The following MAGI2 variants were observed in gnomAD, a reference collection of about 807,000 sequenced individuals.
The protein encoded by MAGI2 is membrane-associated guanylate kinase, WW and PDZ domain-containing protein 2.
MAGI2 carries 35 observed loss-of-function variants against 133.3 expected under a neutral mutation model. The ratio of observed to expected loss-of-function variants is 0.26; its 90% confidence interval spans 0.20 to 0.35. The LOEUF (loss-of-function observed/expected upper bound fraction) is 0.35, where lower values mean the gene tolerates loss of function less well. Among genes scored for constraint, MAGI2 ranks in the 10% least tolerant of loss-of-function variants. The probability of loss-of-function intolerance (pLI) is 1.00; values close to 1 mark genes in which losing one functional copy is unlikely to be tolerated. For missense variants in MAGI2, 1,636 were observed against 1,863.4 expected (o/e 0.88, Z 2.25); for synonymous variants, 729 against 710.6 (o/e 1.03, Z -0.41).
chr7:79,297,326 C>T (rs1837016688), intron 1 of MAGI2, among the ~76,000 whole-genome samples: 1 of 152,096 alleles, frequency 6.6e-6, no homozygotes, highest in Non-Finnish European at 1.5e-5. Context: ...ATGGGGATTG[C>T]ATGTTTTAGA....
chr7:78,921,428 G>C (rs1799213598), intron 2 of MAGI2, among the ~76,000 whole-genome samples: 1 of 152,086 alleles, frequency 6.6e-6, no homozygotes, highest in Non-Finnish European at 1.5e-5. Context: ...AGTACGTTGG[G>C]TGGAACCACA....
intron 2 of MAGI2, among the ~76,000 whole-genome samples, chr7:78,767,053 G>A (rs1005113003): frequency 1.3e-5 from 2 of 151,012 alleles, no homozygotes; most frequent in Admixed American, 1.3e-4. Context: ...GCAATGGCAC[G>A]ATCTCAGCTC....
chr7:78,073,387 C>T (rs73706511), intron 21 of MAGI2, among the ~76,000 whole-genome samples: 29,264 of 151,498 alleles, frequency 0.19, 4,133 homozygotes, highest in African/African-American at 0.4. Flanking sequence ...GCTTCATCCT[C>T]TTTAACCCTG....
At chr7:78,157,816 C>A (rs1824546911) in intron 16 of MAGI2, among the ~76,000 whole-genome samples, 1 of 152,148 alleles carries the variant, frequency 6.6e-6, no homozygotes, top group Non-Finnish European at 1.5e-5. Context: ...ATCGTACTGA[C>A]AGAATTCTGC....
At chr7:78,384,992 C>G (rs1018973391) in intron 6 of MAGI2, among the ~76,000 whole-genome samples, 12 of 152,140 alleles carry the variant, frequency 7.9e-5, no homozygotes, top group South Asian at 2.1e-4. Flanking sequence ...TTACATGCTG[C>G]TAAATGGTAA....
chr7:78,878,984 A>G (rs1795637822), intron 2 of MAGI2, among the ~76,000 whole-genome samples: 1 of 152,106 alleles, frequency 6.6e-6, no homozygotes, highest in African/African-American at 2.4e-5. Flanking sequence ...TAGAGACTAT[A>G]GTTCAGTAGG....
intron 2 of MAGI2, among the ~76,000 whole-genome samples, chr7:78,929,228 A>C (rs1799933280): frequency 6.6e-6 from 1 of 152,106 alleles, no homozygotes; most frequent in Admixed American, 6.6e-5. Context: ...AAAGGTGAAC[A>C]TTTTAAAATG....
chr7:78,683,685 C>G (rs909811998), intron 2 of MAGI2, among the ~76,000 whole-genome samples: 1 of 152,180 alleles, frequency 6.6e-6, no homozygotes, highest in Non-Finnish European at 1.5e-5. Flanking sequence ...ATCCCAGGCA[C>G]TGCAGTTATT....
chr7:78,141,720 C>A (rs745613791), intron 16 of MAGI2, among the ~76,000 whole-genome samples: 1 of 152,094 alleles, frequency 6.6e-6, no homozygotes, highest in Non-Finnish European at 1.5e-5. Context: ...CTCCCAGCAC[C>A]CATGAGTCAT....
chr7:79,128,695 G>A (rs557423103), intron 1 of MAGI2, among the ~76,000 whole-genome samples: 2 of 152,158 alleles, frequency 1.3e-5, no homozygotes, highest in African/African-American at 4.8e-5. Flanking sequence ...ACATGGTAAA[G>A]GTAAATTTAT....
chr7:78,550,065 G>A (rs914256462), intron 3 of MAGI2, among the ~76,000 whole-genome samples: 2 of 152,070 alleles, frequency 1.3e-5, no homozygotes, highest in African/African-American at 4.8e-5. Context: ...CATCATGTGT[G>A]GACACATAGA....
At chr7:79,363,695 T>TAA (rs200750002) in intron 1 of MAGI2, among the ~76,000 whole-genome samples, 2 of 139,554 alleles carry the variant, frequency 1.4e-5, no homozygotes, top group African/African-American at 2.6e-5. Flanking sequence ...AACTGAAAAT[T>TAA]AAAAAAAAAA....
chr7:78,958,325 T>A (rs1173945569), intron 2 of MAGI2, among the ~76,000 whole-genome samples: 1 of 152,134 alleles, frequency 6.6e-6, no homozygotes, highest in Non-Finnish European at 1.5e-5. Context: ...TGAGATGACA[T>A]AGGCTTTCAG....
intron 6 of MAGI2, among the ~76,000 whole-genome samples, chr7:78,382,641 C>T (rs1403930353): frequency 6.6e-6 from 1 of 151,976 alleles, no homozygotes; most frequent in African/African-American, 2.4e-5. Flanking sequence ...AGGGTGTCTA[C>T]CACCCTAGTA....
intron 2 of MAGI2, among the ~76,000 whole-genome samples, chr7:78,632,391 G>C (rs1809110386): frequency 6.6e-6 from 1 of 152,164 alleles, no homozygotes; most frequent in South Asian, 2.1e-4. Context: ...GAGGAGAAGA[G>C]ACTGTGAGAA....
rs531559083 is a variant in MAGI2, at chr7:79,307,992, A to T, written c.301+145028T>A. ...TTTGGTTCCACATTCCTACAGAAAAATATGGCTAAATAGATTTTCAAGTTA... is the reference window on the plus strand; with the variant it reads ...TTTGGTTCCACATTCCTACAGAAAATTATGGCTAAATAGATTTTCAAGTTA... On this transcript the variant is annotated intron_variant, in intron 1 of 21. Transcript: ENST00000354212. 3.9e-5 allele frequency among the ~76,000 whole-genome samples: 6 copies of T among 152,322 alleles called. No individual in the cohort carries two copies. The East Asian group carries it at 1.2e-3, about 29-fold the overall frequency.
intron 2 of MAGI2, among the ~76,000 whole-genome samples, chr7:78,789,293 C>T (rs938471131): frequency 5.3e-5 from 8 of 152,150 alleles, no homozygotes; most frequent in Non-Finnish European, 1.2e-4. Context: ...ATCCTTTGCT[C>T]ATCTTAGGGA....
At chr7:78,384,422 T>C (rs1795199992) in intron 6 of MAGI2, among the ~76,000 whole-genome samples, 1 of 152,200 alleles carries the variant, frequency 6.6e-6, no homozygotes. Context: ...TATATGCTAC[T>C]AGGAGAAGTA....
chr7:78,753,646 C>A (rs1267142596), intron 2 of MAGI2, among the ~76,000 whole-genome samples: 1 of 151,598 alleles, frequency 6.6e-6, no homozygotes, highest in Non-Finnish European at 1.5e-5. Flanking sequence ...AAATTCAAAT[C>A]AAACTAACTG....
Sources: allele counts gnomAD v4.1 joint callset (sites outside exome capture counted in the v4.1 genomes callset), GRCh38; gene constraint gnomAD v4.1.1; transcripts MANE v1.5; gene names NCBI Gene and HGNC (gene_info 2026-07-23, HGNC 2026-07-21).